Variants in CALD1 observed in about 807,000 individuals in gnomAD.
CALD1 encodes the protein caldesmon.
Under a neutral mutation model 99.9 loss-of-function variants are expected in CALD1, and 33 were observed. The observed-to-expected ratio is 0.33, with a 90% CI of 0.25 to 0.44. CALD1 has a LOEUF of 0.44. Among genes scored for constraint, CALD1 ranks in the 20% least tolerant of loss-of-function variants. The probability of loss-of-function intolerance (pLI) is 1.00; values close to 1 mark genes in which losing one functional copy is unlikely to be tolerated. For synonymous variants in CALD1, 310 were observed against 325.0 expected (o/e 0.95, Z 0.50); for missense variants, 861 against 962.1 (o/e 0.89, Z 1.39).
At chr7:134,740,313 A>G (rs1192162162), upstream of CALD1, among the ~76,000 whole-genome samples, 3 of 152,206 alleles carry the variant, frequency 2.0e-5, no homozygotes, top group Non-Finnish European at 2.9e-5. Context: ...AAAAAAAGAC[A>G]TAAGAGAGTT....
chr7:134,954,860 G>C (rs898097491), intron 9 of CALD1, among the ~76,000 whole-genome samples: 2 of 152,194 alleles, frequency 1.3e-5, no homozygotes, highest in African/African-American at 4.8e-5. Flanking sequence ...TCCTGGCTAA[G>C]CCATGCACTT....
At chr7:134,909,240 G>A (rs1331944773) in intron 3 of CALD1, among the ~76,000 whole-genome samples, 1 of 152,212 alleles carries the variant, frequency 6.6e-6, no homozygotes, top group East Asian at 1.9e-4. Context: ...ATTTTTAAAA[G>A]TAAGAGGATA....
rs372000774 is a variant in CALD1, at chr7:134,841,504, TTC to T, written c.-129-2378_-129-2377del. Among the ~76,000 whole-genome samples, 121 of 152,346 alleles carry T rather than the reference TTC, an allele frequency of 7.9e-4. 2 individuals are homozygous for T. The East Asian group carries it at 0.021, about 26-fold the overall frequency. The stretch of plus-strand genomic sequence containing the variant: ...GATTATGTCCTGTAGCTTTTCATTT[TTC>T]TGTCTGTTATTAAGAAATGATCTGC... On this transcript the variant is annotated intron_variant, in intron 1 of 14. Coordinates refer to ENST00000361675, the MANE Select transcript of CALD1 (RefSeq NM_033138.4).
At chr7:134,804,749 C>T (rs149401171) in intron 1 of CALD1, among the ~76,000 whole-genome samples, 2 of 152,296 alleles carry the variant, frequency 1.3e-5, no homozygotes, top group African/African-American at 4.8e-5. Flanking sequence ...GCATAGAATT[C>T]TAGGCTGGAA....
chr7:134,897,309 A>AT (rs5887713), intron 3 of CALD1, among the ~76,000 whole-genome samples: 2 of 148,510 alleles, frequency 1.3e-5, no homozygotes, highest in Non-Finnish European at 3.0e-5. Context: ...CTCAGTTTTC[A>AT]TTTTTTTTTT....
In CALD1 at chr7:134,857,158, C is replaced by CTTTTTT. The variant is rs59210460; in HGVS notation, c.-41-10513_-41-10508dup. Among the ~76,000 whole-genome samples, 18 of 75,354 alleles carry CTTTTTT rather than the reference C, an allele frequency of 2.4e-4. 3 individuals carry two copies. Among genetic ancestry groups the CTTTTTT allele is most frequent in the African/African-American group, 4.9e-4 (10 of 20,618 alleles). The allele number at this position is 75,354 out of a possible 152,430, so 49.4% of individuals were successfully genotyped here. A position where few individuals can be genotyped will look rare whatever the true frequency, so the allele number is the denominator to read the frequency against. Reference sequence around the variant, plus strand: ...AAAGATCCTATGGTTTTGCGCTATTCTTTTTTTTTTTTTTTTTTTTTTTTT... The same window carrying CTTTTTT: ...AAAGATCCTATGGTTTTGCGCTATTCTTTTTTTTTTTTTTTTTTTTTTTTTTTTTTT... On this transcript the variant is annotated intron_variant, in intron 2 of 14. Transcript: ENST00000361675.
intron 1 of CALD1, among the ~76,000 whole-genome samples, chr7:134,769,074 T>G (rs1796855001): frequency 6.6e-6 from 1 of 150,706 alleles, no homozygotes; most frequent in Non-Finnish European, 1.5e-5. Context: ...CTATTATATA[T>G]TTTTATAATT....
At chr7:134,724,114 C>G in the CALD1 span, among the ~76,000 whole-genome samples, 1 of 152,190 alleles carries the variant, frequency 6.6e-6, no homozygotes, top group African/African-American at 2.4e-5. Context: ...CAGAGGGATT[C>G]CCTTCAAGGG....
intron 1 of CALD1, among the ~76,000 whole-genome samples, chr7:134,804,697 G>C (rs913814908): frequency 2.2e-4 from 33 of 152,174 alleles, no homozygotes; most frequent in Non-Finnish European, 3.1e-4. Context: ...ATTGTTTTTA[G>C]TATCTTTGAT....
chr7:134,829,427 C>A (rs913553852), intron 1 of CALD1, among the ~76,000 whole-genome samples: 1 of 152,142 alleles, frequency 6.6e-6, no homozygotes, highest in Non-Finnish European at 1.5e-5. Context: ...TAGTACTATT[C>A]CAACTTTGAC....
intron 9 of CALD1, among the ~76,000 whole-genome samples, chr7:134,954,448 C>T (rs1362482737): frequency 6.6e-6 from 1 of 152,148 alleles, no homozygotes; most frequent in African/African-American, 2.4e-5. Flanking sequence ...TTAAACAGAA[C>T]ATTTAATATA....
At chr7:134,903,402 A>G (rs887980751) in intron 3 of CALD1, among the ~76,000 whole-genome samples, 1 of 152,106 alleles carries the variant, frequency 6.6e-6, no homozygotes, top group Admixed American at 6.6e-5. Flanking sequence ...GACGGAATAT[A>G]TGGGACATTT....
chr7:134,734,208 G>A, the CALD1 span, among the ~76,000 whole-genome samples: 1 of 152,112 alleles, frequency 6.6e-6, no homozygotes, highest in Admixed American at 6.5e-5. Context: ...TTAAAACAAT[G>A]TTTCCTATAA....
At chr7:134,896,524 G>A (rs549259036) in intron 3 of CALD1, among the ~76,000 whole-genome samples, 1 of 139,574 alleles carries the variant, frequency 7.2e-6, no homozygotes, top group South Asian at 2.2e-4. Context: ...TTGCAGCACT[G>A]CACGAGCAGT....
At chr7:134,796,604 T>C (rs981795258) in intron 1 of CALD1, among the ~76,000 whole-genome samples, 1 of 151,932 alleles carries the variant, frequency 6.6e-6, no homozygotes, top group African/African-American at 2.4e-5. Context: ...TTCTTAGAGA[T>C]AGATAGAGTC....
intron 12 of CALD1, 85 bp downstream of exon 12, chr7:134,960,196 T>G: frequency 6.8e-7 from 1 of 1,460,392 alleles, no homozygotes; most frequent in Non-Finnish European, 9.5e-7. Context: ...CACTAGTAAA[T>G]AATAAAAGCA....
At chr7:134,863,356 CT>C (rs1340409876) in intron 2 of CALD1, among the ~76,000 whole-genome samples, 1 of 152,242 alleles carries the variant, frequency 6.6e-6, no homozygotes, top group Non-Finnish European at 1.5e-5. Flanking sequence ...TTCAGTGCCC[CT>C]GACACAACAG....
At chr7:134,890,666 C>A (rs1264206554) in intron 3 of CALD1, among the ~76,000 whole-genome samples, 3 of 152,210 alleles carry the variant, frequency 2.0e-5, no homozygotes, top group African/African-American at 4.8e-5. Context: ...ATCAACACCA[C>A]CCCCTCCTCA....
At chr7:134,792,264 A>G (rs969828259) in intron 1 of CALD1, among the ~76,000 whole-genome samples, 12 of 147,292 alleles carry the variant, frequency 8.1e-5, no homozygotes, top group African/African-American at 2.2e-4. Context: ...CTGAACGTGT[A>G]TCTGCATCCA....
Sources: gnomAD v4.1 joint callset for allele counts (sites outside exome capture counted in the v4.1 genomes callset) on GRCh38, gnomAD v4.1.1 for gene constraint, MANE v1.5 for transcripts, NCBI Gene and HGNC (gene_info 2026-07-23, HGNC 2026-07-21) for gene names.